The following FKBP8 variants were observed in gnomAD, a reference collection of about 807,000 sequenced individuals.
FKBP8 encodes the protein peptidyl-prolyl cis-trans isomerase FKBP8.
A neutral mutation model predicts 41.7 loss-of-function variants in FKBP8; 5 were observed. The observed-to-expected ratio is 0.12, with a 90% confidence interval of 0.06 to 0.25. FKBP8 has a LOEUF of 0.25. Among genes scored for constraint, FKBP8 ranks in the 10% least tolerant of loss-of-function variants. FKBP8 has a pLI of 1.00. For synonymous variants in FKBP8, 279 were observed against 254.5 expected (o/e 1.10, Z -0.92); for missense variants, 397 against 563.0 (o/e 0.71, Z 2.98).
intron 1 of FKBP8, chr19:18,542,937 C>CG: frequency 9.0e-7 from 1 of 1,116,094 alleles, no homozygotes; most frequent in Non-Finnish European, 1.2e-6. Flanking sequence ...ACCCTCCCAG[C>CG]CCCCACCCCC....
chr19:18,533,504 A>G (rs902558299), intron 6 of FKBP8, among the ~76,000 whole-genome samples, 157 bp from the exon 7 acceptor site: 8 of 152,000 alleles, frequency 5.3e-5, no homozygotes, highest in African/African-American at 1.9e-4. Flanking sequence ...AATAAAATAA[A>G]AACAGCCTGG....
chr19:18,537,754 C>T lies in FKBP8; in HGVS notation c.792G>A (p.Glu264=), dbSNP rs1976611450. ...SSAKVDMTFE[E]EAQLLQLKVK... ...CCTTCAACTGCAGGAGCTGTGCCTC[C>T]TCCTCGAACGTCATGTCCACTATTG... Residue 264 remains glutamate, a synonymous_variant, in exon 6 of 9, where the codon GAG becomes GAA. Transcript: ENST00000608443. This position sits in a 1 kb window ranked among gnomAD's most constrained non-coding sequence, Gnocchi z 4.4. 4 of 1,612,548 alleles carry T rather than the reference C, an allele frequency of 2.5e-6. No individual in the cohort carries two copies. The highest frequency in any genetic ancestry group is 3.4e-6 in the Non-Finnish European group (4 of 1,179,268).
chr19:18,532,905 G>A (rs1358323602), intron 7 of FKBP8, 110 bp from the exon 8 acceptor site: 6 of 1,505,290 alleles, frequency 4.0e-6, no homozygotes, highest in Non-Finnish European at 3.6e-6. Context: ...TTGGGACACA[G>A]GGGTCCCATC....
At chr19:18,535,302 C>A (rs998646771) in intron 6 of FKBP8, among the ~76,000 whole-genome samples, 1 of 152,006 alleles carries the variant, frequency 6.6e-6, no homozygotes, top group African/African-American at 2.4e-5. Context: ...CTCAAATGAT[C>A]CTCCTACCTT....
In FKBP8 at chr19:18,538,067, G is replaced by A; in HGVS notation, c.772+149C>T. On this transcript the variant is annotated intron_variant, in intron 5 of 8. Transcript: ENST00000608443. The surrounding 1 kb of genome is among the most constrained non-coding windows in gnomAD (Gnocchi z 4.0). The stretch of plus-strand genomic sequence containing the variant: ...TGGGATATACCACGAGTCTGTAACA[G>A]GCCCTAGCTTAGGGGCAGTTGGGGA... 3 of 855,946 alleles carry A rather than the reference G, an allele frequency of 3.5e-6. No homozygotes were observed. The highest frequency in any genetic ancestry group is 3.2e-4 in the Middle Eastern group (1 of 3,110). The allele number at this position is 855,946 out of a possible 1,614,324, so 53.0% of individuals were successfully genotyped here.
In FKBP8 at chr19:18,532,814, G is replaced by A; in HGVS notation, c.1024-19C>T. ...GGATCGTCTGCAGAAGGCAGGGGAA[G>A]CTGAGAACACGCAGCGGCCAACCTG... On this transcript the variant is annotated intron_variant, in intron 7 of 8. Coordinates refer to ENST00000608443, the MANE Select transcript of FKBP8 (RefSeq NM_012181.5). 7 of 1,612,652 alleles carry A rather than the reference G, an allele frequency of 4.3e-6. No homozygotes were observed. Among genetic ancestry groups the A allele is most frequent in the Non-Finnish European group, 5.9e-6 (7 of 1,179,722 alleles).
In FKBP8 at chr19:18,537,640, G is replaced by A. The variant is rs1976609179; in HGVS notation, c.906C>T (p.His302=). The change falls in exon 6 of 9, where the codon CAC becomes CAT. Residue 302 remains histidine (H), a synonymous_variant. Transcript: ENST00000608443. This position sits in a 1 kb window ranked among gnomAD's most constrained non-coding sequence, Gnocchi z 4.4. ...AGAGAGCCTTGATGTTGTCTGGCTG[G>A]TGCTCCAGCACAAGGCTGCAGGAGC... ...ALRSCSLVLE[H]QPDNIKALFR... 1 of 1,610,752 alleles carries A rather than the reference G, an allele frequency of 6.2e-7. No individual in the cohort carries two copies. The highest frequency in any genetic ancestry group is 8.5e-7 in the Non-Finnish European group (1 of 1,178,226).
Position 18,538,419 on chromosome 19 carries a change from G to T in FKBP8, c.569C>A (p.Pro190His), listed in dbSNP as rs1199023048. 2 of 1,612,070 alleles carry T rather than the reference G, an allele frequency of 1.2e-6. No homozygotes were observed. Among genetic ancestry groups the T allele is most frequent in the African/African-American group, 2.7e-5 (2 of 74,900 alleles). Reference protein sequence around the residue: ...GPQGSRSPYIPPHAALCLEVT... With the variant: ...GPQGSRSPYIHPHAALCLEVT... Reference sequence around the variant, plus strand: ...CTCCAGGCACAGGGCCGCGTGCGGGGGGATGTATGGGCTCCTGCTAGTTGG... The same window carrying T: ...CTCCAGGCACAGGGCCGCGTGCGGGTGGATGTATGGGCTCCTGCTAGTTGG... The change falls in exon 5 of 9, where the codon CCC becomes CAC. Residue 190 changes from proline to histidine, a missense_variant. Physicochemically the swap from Pro to His is moderately conservative, Grantham distance 77. Around this residue, in one of 2 missense-constraint regions of FKBP8, gnomAD observed 225 missense variants for 366.8 expected, o/e 0.61. Coordinates refer to ENST00000608443, the MANE Select transcript of FKBP8 (RefSeq NM_012181.5). This position sits in a 1 kb window ranked among gnomAD's most constrained non-coding sequence, Gnocchi z 4.0.
chr19:18,537,137 G>A lies in FKBP8; in HGVS notation c.945+464C>T, dbSNP rs1016275598. 1.2e-4 allele frequency among the ~76,000 whole-genome samples: 18 copies of A among 151,956 alleles called. No homozygotes were observed. Among genetic ancestry groups the A allele is most frequent in the Admixed American group, 9.8e-4 (15 of 15,230 alleles). The stretch of plus-strand genomic sequence containing the variant: ...GCAGATCACTTGAGGTCAGGAGTTC[G>A]AGACCAGCCTGGCCAATATGGCTAA... On this transcript the variant is annotated intron_variant, in intron 6 of 8. Coordinates refer to ENST00000608443, the MANE Select transcript of FKBP8 (RefSeq NM_012181.5). The surrounding 1 kb of genome is among the most constrained non-coding windows in gnomAD (Gnocchi z 4.4).
chr19:18,541,597 C>T, intron 2 of FKBP8, 82 bp downstream of exon 2: 1 of 1,521,538 alleles, frequency 6.6e-7, no homozygotes. Flanking sequence ...ACTTCCAACC[C>T]TCACAGCACA....
rs540175404 is a variant in FKBP8, at chr19:18,531,912, C to T, written c.*257G>A. ...GAGGAGAAACTGAGGCCAGCCCTGG[C>T]GGAGACCTAGCCCAGCGGGGTAAGG... On this transcript the variant is annotated 3_prime_UTR_variant, in exon 9 of 9. Coordinates refer to ENST00000608443, the MANE Select transcript of FKBP8 (RefSeq NM_012181.5). 2.2e-5 allele frequency: 11 copies of T among 500,996 alleles called. No individual in the cohort carries two copies. The highest frequency in any genetic ancestry group is 6.5e-5 in the Admixed American group (2 of 30,806). The allele number at this position is 500,996 out of a possible 1,614,324, so 31.0% of individuals were successfully genotyped here.
Position 18,532,090 on chromosome 19 carries a change from T to C in FKBP8, c.*79A>G. On this transcript the variant is annotated 3_prime_UTR_variant, in exon 9 of 9. Transcript: ENST00000608443. Reference sequence around the variant, plus strand: ...GAGGGGGCCAGACCAGGGAGGGCAGTGGACAGGGAGCCTGGGGGAGTTGGG... The same window carrying C: ...GAGGGGGCCAGACCAGGGAGGGCAGCGGACAGGGAGCCTGGGGGAGTTGGG... 1 of 1,286,038 alleles carries C rather than the reference T, an allele frequency of 7.8e-7. No individual in the cohort carries two copies. Among genetic ancestry groups the C allele is most frequent in the Non-Finnish European group, 1.1e-6 (1 of 907,828 alleles). The allele number at this position is 1,286,038 out of a possible 1,614,324, so 79.7% of individuals were successfully genotyped here.
rs199909329 is a variant in FKBP8, at chr19:18,532,829, C to T, written c.1024-34G>A. The T allele has an allele frequency of 4.0e-5, 65 of 1,608,476 alleles. 1 individual carries two copies. Among genetic ancestry groups the T allele is most frequent in the African/African-American group, 5.3e-5 (4 of 75,028 alleles). ...GGCAGGGGAAGCTGAGAACACGCAG[C>T]GGCCAACCTGTCATCACTGGCGCTC... On this transcript the variant is annotated intron_variant, in intron 7 of 8. Transcript: ENST00000608443.
intron 2 of FKBP8, among the ~76,000 whole-genome samples, chr19:18,540,911 G>T (rs1283930913): frequency 2.6e-5 from 4 of 151,886 alleles, no homozygotes; most frequent in African/African-American, 4.8e-5. Context: ...TATCAGTAGT[G>T]GTGGTGATAT....
chr19:18,540,683 C>T (rs1976677492), intron 2 of FKBP8, among the ~76,000 whole-genome samples: 1 of 151,964 alleles, frequency 6.6e-6, no homozygotes, highest in Admixed American at 6.6e-5. Context: ...ACCAGCCTGG[C>T]CAATGTGGTG....
At chr19:18,534,695 C>G (rs976993189) in intron 6 of FKBP8, among the ~76,000 whole-genome samples, 3 of 152,134 alleles carry the variant, frequency 2.0e-5, no homozygotes, top group South Asian at 2.1e-4. Flanking sequence ...AATCCTCCAG[C>G]CTCAGCCTCC....
In FKBP8 at chr19:18,538,620, G is replaced by A. The variant is rs1418088452; in HGVS notation, c.552-184C>T. ...CCGCCTTGGAGCTGCGGGACTTGAC[G>A]AACGAGTTCCCCTCCCTAAGCCTCG... On this transcript the variant is annotated intron_variant, in intron 4 of 8. Coordinates refer to ENST00000608443, the MANE Select transcript of FKBP8 (RefSeq NM_012181.5). The surrounding 1 kb of genome is among the most constrained non-coding windows in gnomAD (Gnocchi z 4.0). Among the ~76,000 whole-genome samples the A allele has an allele frequency of 1.3e-5, 2 of 152,076 alleles. No homozygotes were observed. Among genetic ancestry groups the A allele is most frequent in the Admixed American group, 6.6e-5 (1 of 15,240 alleles).
chr19:18,537,317 G>T lies in FKBP8; in HGVS notation c.945+284C>A, dbSNP rs555583584. Among the ~76,000 whole-genome samples, 8 of 151,880 alleles carry T rather than the reference G, an allele frequency of 5.3e-5. No homozygotes were observed. The highest frequency in any genetic ancestry group is 1.0e-4 in the Non-Finnish European group (7 of 67,988). On this transcript the variant is annotated intron_variant, in intron 6 of 8. Coordinates refer to ENST00000608443, the MANE Select transcript of FKBP8 (RefSeq NM_012181.5). This position sits in a 1 kb window ranked among gnomAD's most constrained non-coding sequence, Gnocchi z 4.4. ...GATCACACCACTGCACTCCAGCCTG[G>T]GTGACAGAGTGAGACTCTGTCTCAA...
rs1287886403 is a variant in FKBP8 at position 18,538,252 on chromosome 19, C to T, written c.736G>A (p.Asp246Asn). The T allele has an allele frequency of 2.5e-6, 4 of 1,612,822 alleles. No homozygotes were observed. The highest frequency in any genetic ancestry group is 2.2e-5 in the South Asian group (2 of 90,984). The change falls in exon 5 of 9, where the codon GAC (aspartate) becomes AAC (asparagine). Residue 246 changes from aspartate (D) to asparagine (N), a missense_variant. Asp to Asn is a conservative substitution (Grantham distance 23). Coordinates refer to ENST00000608443, the MANE Select transcript of FKBP8 (RefSeq NM_012181.5). This position sits in a 1 kb window ranked among gnomAD's most constrained non-coding sequence, Gnocchi z 4.0. Reference sequence around the variant, plus strand: ...GAGGTGATAGCCTTGATGGCGAGGTCGTAGGAGTTGGCGGCCAGGACGAAG... The same window carrying T: ...GAGGTGATAGCCTTGATGGCGAGGTTGTAGGAGTTGGCGGCCAGGACGAAG... ...ADFVLAANSY[D>N]LAIKAITSSA...
Sources: gnomAD v4.1 joint callset for allele counts (sites outside exome capture counted in the v4.1 genomes callset) on GRCh38, gnomAD v4.1.1 for gene constraint, gnomAD v4.1.1 regional missense constraint, Gnocchi (gnomAD v3.1) non-coding constraint, MANE v1.5 for transcripts, NCBI Gene and HGNC (gene_info 2026-07-23, HGNC 2026-07-21) for gene names.